Variants in UST observed in about 807,000 individuals in gnomAD.
UST encodes uronyl 2-sulfotransferase, also known as chondroitin sulfate 2-O-sulfotransferase.
UST carries 21 observed loss-of-function variants against 45.6 expected under a neutral mutation model. That is an observed-to-expected ratio of 0.46 (90% CI 0.33 to 0.66). The LOEUF (loss-of-function observed/expected upper bound fraction) is 0.66. Ranked by LOEUF, UST falls within the 30% of genes least tolerant of loss-of-function variation. UST has a pLI of 0.02. For missense variants in UST, 463 were observed against 512.4 expected (o/e 0.90, Z 0.93); for synonymous variants, 215 against 200.6 (o/e 1.07, Z -0.61).
intron 5 of UST, among the ~76,000 whole-genome samples, chr6:149,011,760 C>T (rs1314211503): frequency 3.9e-5 from 6 of 152,098 alleles, no homozygotes; most frequent in South Asian, 2.1e-4. Flanking sequence ...TACAGCGAGC[C>T]GAGATCGTGC....
chr6:148,985,052 G>A (rs977541728), intron 5 of UST, among the ~76,000 whole-genome samples: 1 of 152,150 alleles, frequency 6.6e-6, no homozygotes, highest in Non-Finnish European at 1.5e-5. Context: ...ACTGCTGAGG[G>A]TAGGGAATAA....
rs75852586 is a variant in UST at position 148,832,503 on chromosome 6, G to A, written c.248-54483G>A. 1.9e-3 allele frequency among the ~76,000 whole-genome samples: 289 copies of A among 152,274 alleles called. 1 individual carries two copies. The highest frequency in any genetic ancestry group is 6.8e-3 in the African/African-American group (283 of 41,554). On this transcript the variant is annotated intron_variant, in intron 1 of 7. Coordinates refer to ENST00000367463, the MANE Select transcript of UST (RefSeq NM_005715.3). ...AGCACAAGTGTAATTTAAAGATGTA[G>A]CTGAGACAGACCAAAAACTGATCAG...
chr6:148,926,602 T>G (rs988949193), intron 2 of UST, among the ~76,000 whole-genome samples: 2 of 152,228 alleles, frequency 1.3e-5, no homozygotes, highest in Non-Finnish European at 2.9e-5. Context: ...GTGGTGTCTG[T>G]GTTCCAGGGA....
At chr6:148,775,929 G>A (rs893714694) in intron 1 of UST, among the ~76,000 whole-genome samples, 4 of 152,034 alleles carry the variant, frequency 2.6e-5, no homozygotes, top group Non-Finnish European at 5.9e-5. Flanking sequence ...ACTGCGCCCG[G>A]CCTGGTAAAA....
In UST at chr6:149,074,005, G is replaced by A. The variant is rs200339078; in HGVS notation, c.1110G>A (p.Lys370=). 2.5e-6 allele frequency: 4 copies of A among 1,614,018 alleles called. No individual in the cohort carries two copies. The highest frequency in any genetic ancestry group is 3.3e-5 in the Admixed American group (2 of 59,996). Reference sequence around the variant, plus strand: ...TTGGACTTAAGTCTCACGTCAGCAAGCCCCCCCTGAGGCCACACTTCTTTA... The same window carrying A: ...TTGGACTTAAGTCTCACGTCAGCAAACCCCCCCTGAGGCCACACTTCTTTA... ...RKFGLKSHVS[K]PPLRPHFFIP... Residue 370 remains lysine, a synonymous_variant, in exon 8 of 8, where the codon AAG becomes AAA. Coordinates refer to ENST00000367463, the MANE Select transcript of UST (RefSeq NM_005715.3).
chr6:148,959,676 C>A (rs539149031), intron 4 of UST, among the ~76,000 whole-genome samples: 54 of 152,300 alleles, frequency 3.5e-4, no homozygotes, highest in African/African-American at 1.2e-3. Context: ...TTATTTCATG[C>A]CTTGTCAATT....
At chr6:148,765,056 T>G (rs6933975) in intron 1 of UST, among the ~76,000 whole-genome samples, 1 of 152,144 alleles carries the variant, frequency 6.6e-6, no homozygotes, top group African/African-American at 2.4e-5. Flanking sequence ...GGAAAGAATT[T>G]AGCGGTATTT....
intron 2 of UST, among the ~76,000 whole-genome samples, chr6:148,916,204 A>T (rs1337020861): frequency 6.6e-6 from 1 of 152,212 alleles, no homozygotes; most frequent in African/African-American, 2.4e-5. Flanking sequence ...CACAGGCCAT[A>T]ATATTGGCGT....
At chr6:148,978,408 A>C (rs1019797122) in intron 5 of UST, among the ~76,000 whole-genome samples, 6 of 152,198 alleles carry the variant, frequency 3.9e-5, no homozygotes, top group Non-Finnish European at 8.8e-5. Context: ...AATAGCAAAG[A>C]CTTGGAACTA....
At chr6:148,928,234 C>T (rs1431501329) in intron 2 of UST, among the ~76,000 whole-genome samples, 3 of 152,076 alleles carry the variant, frequency 2.0e-5, no homozygotes, top group Admixed American at 6.5e-5. Context: ...CTGTTTCCTT[C>T]ATTTGTTTCT....
At chr6:149,013,539 GA>G (rs917558087) in intron 5 of UST, among the ~76,000 whole-genome samples, 3 of 150,968 alleles carry the variant, frequency 2.0e-5, no homozygotes, top group Non-Finnish European at 3.0e-5. Flanking sequence ...AAAAAAAAGA[GA>G]AAAAAAAAGT....
At chr6:148,760,519 G>A (rs1351197392) in intron 1 of UST, among the ~76,000 whole-genome samples, 1 of 152,008 alleles carries the variant, frequency 6.6e-6, no homozygotes, top group Non-Finnish European at 1.5e-5. Context: ...TCAAATAATT[G>A]AAGATACTAA....
At chr6:148,984,563 C>A (rs1322943420) in intron 5 of UST, among the ~76,000 whole-genome samples, 1 of 152,212 alleles carries the variant, frequency 6.6e-6, no homozygotes, top group Non-Finnish European at 1.5e-5. Flanking sequence ...GAGACGGGAT[C>A]TCACTCTGTC....
At chr6:148,762,580 T>G (rs1175904698) in intron 1 of UST, among the ~76,000 whole-genome samples, 2 of 151,972 alleles carry the variant, frequency 1.3e-5, no homozygotes, top group Admixed American at 6.6e-5. Flanking sequence ...AAGTGCATGC[T>G]TTTTACATGG....
chr6:149,010,913 A>AAACAAAAAAAC (rs1554234078), intron 5 of UST, among the ~76,000 whole-genome samples: 15 of 93,004 alleles, frequency 1.6e-4, no homozygotes, highest in Middle Eastern at 7.2e-3. Context: ...AAAAAAAAAA[A>AAACAAAAAAAC]AAAAAACTGT....
intron 4 of UST, among the ~76,000 whole-genome samples, chr6:148,960,369 G>C (rs756824797): frequency 6.6e-6 from 1 of 152,206 alleles, no homozygotes; most frequent in African/African-American, 2.4e-5. Context: ...TCTTTTCCAT[G>C]ATGGCCTTTC....
intron 1 of UST, among the ~76,000 whole-genome samples, chr6:148,810,955 G>A (rs1031141614): frequency 6.6e-6 from 1 of 152,198 alleles, no homozygotes; most frequent in Non-Finnish European, 1.5e-5. Context: ...TATGTAAGGT[G>A]ATGACATTGA....
chr6:148,855,205 A>G (rs563689810), intron 1 of UST, among the ~76,000 whole-genome samples: 33 of 152,228 alleles, frequency 2.2e-4, no homozygotes, highest in Admixed American at 6.5e-4. Context: ...ACTATTCAAG[A>G]TGAGATTTGA....
chr6:149,025,931 G>A lies in UST; in HGVS notation c.937+4450G>A, dbSNP rs186812902. The stretch of plus-strand genomic sequence containing the variant: ...TGGGAGGCCAAGGTGGGTGGATCAC[G>A]AGGTCAGGAGTTCAAGACCAGCCTG... On this transcript the variant is annotated intron_variant, in intron 7 of 7. Transcript: ENST00000367463. Among the ~76,000 whole-genome samples the A allele has an allele frequency of 1.4e-4, 21 of 151,986 alleles. No individual in the cohort carries two copies. The East Asian group carries it at 3.5e-3, about 25-fold the overall frequency.
Sources: gnomAD v4.1 joint callset for allele counts (sites outside exome capture counted in the v4.1 genomes callset) on GRCh38, gnomAD v4.1.1 for gene constraint, MANE v1.5 for transcripts, NCBI Gene and HGNC (gene_info 2026-07-23, HGNC 2026-07-21) for gene names.